Variants in GPATCH8 observed in about 807,000 individuals in gnomAD.
GPATCH8 encodes G-patch domain containing 8.
A neutral mutation model predicts 118.3 loss-of-function variants in GPATCH8; 18 were observed. The observed-to-expected ratio is 0.15, with a 90% CI of 0.11 to 0.23. GPATCH8 has a LOEUF of 0.23. GPATCH8 is among the 10% of genes least tolerant of loss of function. The probability of loss-of-function intolerance (pLI) is 1.00; values close to 1 mark genes in which losing one functional copy is unlikely to be tolerated. For missense variants in GPATCH8, 1,631 were observed against 1,873.8 expected, an observed-to-expected ratio of 0.87 and a Z score of 2.39; for synonymous variants, 659 against 684.7, an observed-to-expected ratio of 0.96 and a Z score of 0.59.
intron 1 of GPATCH8, among the ~76,000 whole-genome samples, chr17:44,480,984 C>T (rs114712523): frequency 0.02 from 3,022 of 152,272 alleles, 106 homozygotes; most frequent in African/African-American, 0.069. Flanking sequence ...ATGGCTCACT[C>T]CAGCCTCAAC....
chr17:44,440,856 ACCATTTTTTT>A (rs2050665647), intron 3 of GPATCH8, among the ~76,000 whole-genome samples: 1 of 150,454 alleles, frequency 6.6e-6, no homozygotes, highest in African/African-American at 2.5e-5. Context: ...TTTGGGAAAC[ACCATTTTTTT>A]TTGAGATGGC....
At chr17:44,412,838 GT>G (rs910034026) in intron 6 of GPATCH8, among the ~76,000 whole-genome samples, 102 of 151,996 alleles carry the variant, frequency 6.7e-4, no homozygotes, top group African/African-American at 2.1e-3. Context: ...TCTCTCCACT[GT>G]TTTTTTTCCC....
chr17:44,499,817 G>A (rs1255371420), intron 1 of GPATCH8, among the ~76,000 whole-genome samples: 1 of 151,470 alleles, frequency 6.6e-6, no homozygotes, highest in East Asian at 1.9e-4. Context: ...ATTGAGGCCA[G>A]ATTCTTAAAG....
At chr17:44,461,495 T>C (rs2051547839) in intron 3 of GPATCH8, among the ~76,000 whole-genome samples, 1 of 152,152 alleles carries the variant, frequency 6.6e-6, no homozygotes, top group Admixed American at 6.5e-5. Context: ...TGTTATCCGT[T>C]TTTTAACAAT....
Position 44,398,034 on chromosome 17 carries a change from G to A in GPATCH8, c.4043C>T (p.Ala1348Val). The A allele has an allele frequency of 6.2e-7, 1 of 1,613,818 alleles. No homozygotes were observed. Among genetic ancestry groups the A allele is most frequent in the Non-Finnish European group, 8.5e-7 (1 of 1,179,744 alleles). ...CAGGGCTGGTGTGGCTGGGGCCAGG[G>A]CAGCTGAGGCTGGAAAGGCCTTTAC... Reference protein sequence around the residue: ...KQVKAFPASAALAPATPALQP... With the variant: ...KQVKAFPASAVLAPATPALQP... The change falls in exon 8 of 8, where the codon GCC (alanine) becomes GTC (valine). Residue 1348 changes from alanine to valine, a missense_variant. Around this residue, in one of 8 missense-constraint regions of GPATCH8, gnomAD observed 111 missense variants for 112.4 expected, o/e 0.99. Coordinates refer to ENST00000591680, the MANE Select transcript of GPATCH8 (RefSeq NM_001002909.4).
intron 3 of GPATCH8, among the ~76,000 whole-genome samples, chr17:44,437,819 A>G (rs2050560888): frequency 6.6e-6 from 1 of 152,118 alleles, no homozygotes; most frequent in Non-Finnish European, 1.5e-5. Flanking sequence ...AAACAAATTC[A>G]TAAGTTTAAC....
intron 6 of GPATCH8, 67 bp from the exon 7 acceptor site, chr17:44,406,118 A>C (rs2049211353): frequency 2.6e-6 from 3 of 1,155,478 alleles, no homozygotes; most frequent in Non-Finnish European, 3.9e-6. Flanking sequence ...CAGAAAGCAA[A>C]GCCTTTAGGA....
intron 1 of GPATCH8, among the ~76,000 whole-genome samples, chr17:44,494,358 G>A (rs576964350): frequency 3.7e-4 from 57 of 152,180 alleles, no homozygotes; most frequent in South Asian, 6.2e-4. Context: ...TTGGGAGGCC[G>A]AGGTGGGTGG....
intron 5 of GPATCH8, among the ~76,000 whole-genome samples, chr17:44,433,617 G>C (rs148004546): frequency 1.3e-3 from 191 of 152,266 alleles, no homozygotes; most frequent in African/African-American, 4.3e-3. Flanking sequence ...TTAACCAAGT[G>C]AAAGATGATG....
intron 3 of GPATCH8, among the ~76,000 whole-genome samples, chr17:44,463,892 C>T (rs998504190): frequency 2.0e-5 from 3 of 152,052 alleles, no homozygotes; most frequent in African/African-American, 7.2e-5. Flanking sequence ...ATACATTTTC[C>T]AGACCTTGAT....
rs756143761 is a variant in GPATCH8, at chr17:44,400,663, C to T, written c.1414G>A (p.Glu472Lys). Residue 472 changes from glutamate (E) to lysine (K), a missense_variant, in exon 8 of 8, where the codon GAG becomes AAG. Glu to Lys is a moderately conservative substitution (Grantham distance 56). Around this residue, in one of 8 missense-constraint regions of GPATCH8, gnomAD observed 405 missense variants for 462.7 expected, o/e 0.88. Transcript: ENST00000591680. Reference protein sequence around the residue: ...SEQPKETSMTEPSEPGSKAEA... With the variant: ...SEQPKETSMTKPSEPGSKAEA... Reference sequence around the variant, plus strand: ...GCTTTGCTTCCTGGTTCTGAGGGCTCGGTCATGCTGGTTTCCTTCGGCTGC... The same window carrying T: ...GCTTTGCTTCCTGGTTCTGAGGGCTTGGTCATGCTGGTTTCCTTCGGCTGC... 59 of 1,612,522 alleles carry T rather than the reference C, an allele frequency of 3.7e-5. No individual in the cohort carries two copies. The highest frequency in any genetic ancestry group is 2.0e-4 in the South Asian group (18 of 90,958).
At position 44,474,839 on chromosome 17, in the gene GPATCH8, G is replaced by C; in HGVS notation, c.110C>G (p.Pro37Arg). Residue 37 changes from proline (P) to arginine (R), a missense_variant, in exon 2 of 8, where the codon CCT becomes CGT. Pro to Arg is a moderately radical substitution (Grantham distance 103). Around this residue, in one of 8 missense-constraint regions of GPATCH8, gnomAD observed 81 missense variants for 227.6 expected, o/e 0.36. Coordinates refer to ENST00000591680, the MANE Select transcript of GPATCH8 (RefSeq NM_001002909.4). ...LEIEQASLDK[P>R]IESDNIGHRL... is the part of the protein sequence containing the mutation. ...CACTGATTATCTTACCGATTCTATAGGCTTGTCAAGTGACGCTTGTTCAAT... is the reference window on the plus strand; with the variant it reads ...CACTGATTATCTTACCGATTCTATACGCTTGTCAAGTGACGCTTGTTCAAT... 1 of 1,548,208 alleles carries C rather than the reference G, an allele frequency of 6.5e-7. No individual in the cohort carries two copies. The highest frequency in any genetic ancestry group is 8.9e-7 in the Non-Finnish European group (1 of 1,120,212).
chr17:44,411,855 G>A (rs2049445360), intron 6 of GPATCH8, among the ~76,000 whole-genome samples: 1 of 152,170 alleles, frequency 6.6e-6, no homozygotes, highest in South Asian at 2.1e-4. Context: ...CACTTTGGGA[G>A]GCTGAGGTAA....
At chr17:44,453,265 A>C (rs1356006333) in intron 3 of GPATCH8, among the ~76,000 whole-genome samples, 1 of 152,164 alleles carries the variant, frequency 6.6e-6, no homozygotes, top group Non-Finnish European at 1.5e-5. Context: ...TGGAGGCAGA[A>C]GGACTGAGAT....
rs543950097 is a variant in GPATCH8 at position 44,466,849 on chromosome 17, C to A, written c.121-2305G>T. The stretch of plus-strand genomic sequence containing the variant: ...TAATTGTTTAATCTCTTAACAGACT[C>A]ATAACTATATTTGGCACCAAGATTT... On this transcript the variant is annotated intron_variant, in intron 2 of 7. Coordinates refer to ENST00000591680, the MANE Select transcript of GPATCH8 (RefSeq NM_001002909.4). 3.9e-5 allele frequency among the ~76,000 whole-genome samples: 6 copies of A among 152,160 alleles called. No individual in the cohort carries two copies. The South Asian group carries it at 1.2e-3, about 32-fold the overall frequency.
chr17:44,493,054 G>GTTTTTTTTTTTT (rs398039127), intron 1 of GPATCH8, among the ~76,000 whole-genome samples: 4 of 124,394 alleles, frequency 3.2e-5, no homozygotes, highest in Admixed American at 1.8e-4. Flanking sequence ...AAGCCATTAG[G>GTTTTTTTTTTTT]TTTTTTTTTT....
rs772184433 is a variant in GPATCH8, at chr17:44,396,834, T to C, written c.*734A>G. The stretch of plus-strand genomic sequence containing the variant: ...CAACACAACAGAAGAAAATATACCC[T>C]TCACTTTAGACACATGAGCTCCTCT... On this transcript the variant is annotated 3_prime_UTR_variant, in exon 8 of 8. Transcript: ENST00000591680. The C allele has an allele frequency of 4.4e-6, 2 of 454,334 alleles. No homozygotes were observed. Among genetic ancestry groups the C allele is most frequent in the African/African-American group, 2.0e-5 (1 of 50,004 alleles). The allele number at this position is 454,334 out of a possible 1,614,324, so 28.1% of individuals were successfully genotyped here.
chr17:44,448,857 A>G lies in GPATCH8; in HGVS notation c.194-12312T>C, dbSNP rs1380080335. Among the ~76,000 whole-genome samples the G allele has an allele frequency of 2.6e-5, 4 of 152,082 alleles. No individual in the cohort carries two copies. In the East Asian group the frequency reaches 7.7e-4, roughly 29 times the overall value. ...ATAAATTTAAAAAAAAAAACTGTCC[A>G]CCCTATTTACTATAATGAAGGTAAT... On this transcript the variant is annotated intron_variant, in intron 3 of 7. Transcript: ENST00000591680.
intron 1 of GPATCH8, among the ~76,000 whole-genome samples, chr17:44,481,513 C>T (rs757065163): frequency 1.2e-4 from 18 of 152,116 alleles, no homozygotes; most frequent in Non-Finnish European, 2.4e-4. Flanking sequence ...AAAAACAAAG[C>T]TAAAGAAAAG....
Sources: allele counts gnomAD v4.1 joint callset (sites outside exome capture counted in the v4.1 genomes callset), GRCh38; gene constraint gnomAD v4.1.1; regional missense constraint gnomAD v4.1.1; transcripts MANE v1.5; gene names NCBI Gene and HGNC (gene_info 2026-07-23, HGNC 2026-07-21).